Variants in LMOD1 observed in about 807,000 individuals in gnomAD.
LMOD1 encodes the protein leiomodin-1.
In LMOD1, 8 loss-of-function variants were observed where a neutral mutation model predicts 36.5. That is an observed-to-expected ratio of 0.22 (90% CI 0.13 to 0.40). LMOD1 has a LOEUF of 0.40. LMOD1 is among the 10% of genes least tolerant of loss of function. The probability of loss-of-function intolerance (pLI) is 1.00; values close to 1 mark genes in which losing one functional copy is unlikely to be tolerated. For missense variants in LMOD1, 630 were observed against 751.1 expected (o/e 0.84, Z 1.88); for synonymous variants, 284 against 288.7 (o/e 0.98, Z 0.17).
rs1403772485 is a variant in LMOD1, at chr1:201,897,803, G to C, written c.*569C>G. On this transcript the variant is annotated 3_prime_UTR_variant, in exon 3 of 3. Coordinates refer to ENST00000367288, the MANE Select transcript of LMOD1 (RefSeq NM_012134.3). ...CCTGTCTGGAGCCTACTCCCATCAG[G>C]CACTGTGCATCCAGGCCACTGCCCC... 1 of 153,204 alleles carries C rather than the reference G, an allele frequency of 6.5e-6. No individual in the cohort carries two copies. The highest frequency in any genetic ancestry group is 1.5e-5 in the Non-Finnish European group (1 of 68,442). The allele number at this position is 153,204 out of a possible 1,614,324, so 9.5% of individuals were successfully genotyped here.
chr1:201,919,622 G>T (rs1681667268), intron 1 of LMOD1, among the ~76,000 whole-genome samples: 1 of 152,182 alleles, frequency 6.6e-6, no homozygotes, highest in Admixed American at 6.5e-5. Flanking sequence ...TGTAGGTATT[G>T]GGTCCTCTCC....
chr1:201,904,280 G>A (rs920312447), intron 1 of LMOD1, among the ~76,000 whole-genome samples: 70 of 151,894 alleles, frequency 4.6e-4, no homozygotes, highest in African/African-American at 1.7e-3. Context: ...CCGCAATCTC[G>A]GCTCACTGCA....
chr1:201,946,248 C>G lies in LMOD1; in HGVS notation c.93G>C (p.Glu31Asp). The G allele has an allele frequency of 6.2e-7, 1 of 1,614,026 alleles. No homozygotes were observed. Among genetic ancestry groups the G allele is most frequent in the Non-Finnish European group, 8.5e-7 (1 of 1,179,904 alleles). Reference sequence around the variant, plus strand: ...CCACCACGTCCAGCTCCTTCTCCAGCTCCTCCATCTCCTCGGGAGACAGGG... The same window carrying G: ...CCACCACGTCCAGCTCCTTCTCCAGGTCCTCCATCTCCTCGGGAGACAGGG... ...LETLSPEEMEELEKELDVVDP... is the reference protein window; with the variant it reads ...LETLSPEEMEDLEKELDVVDP... The change falls in exon 1 of 3, where the codon GAG becomes GAC. Residue 31 changes from glutamate to aspartate, a missense_variant. By Grantham distance (45) the Glu-to-Asp change is conservative. Around this residue, in one of 3 missense-constraint regions of LMOD1, gnomAD observed 405 missense variants for 400.6 expected, o/e 1.01. Coordinates refer to ENST00000367288, the MANE Select transcript of LMOD1 (RefSeq NM_012134.3).
rs376716844 is a variant in LMOD1, at chr1:201,898,311, G to C, written c.*61C>G. 4.0e-5 allele frequency: 62 copies of C among 1,565,452 alleles called. No homozygotes were observed. In the East Asian group the frequency reaches 1.4e-3, roughly 35 times the overall value. On this transcript the variant is annotated 3_prime_UTR_variant, in exon 3 of 3. Coordinates refer to ENST00000367288, the MANE Select transcript of LMOD1 (RefSeq NM_012134.3). ...GGATGGGGTGGGCAGGGTCTGTGTAGCCCTGGGAGGTGAGGCCTGAGCAGT... is the reference window on the plus strand; with the variant it reads ...GGATGGGGTGGGCAGGGTCTGTGTACCCCTGGGAGGTGAGGCCTGAGCAGT...
chr1:201,924,664 A>AG (rs1558240421), intron 1 of LMOD1, among the ~76,000 whole-genome samples: 29 of 115,380 alleles, frequency 2.5e-4, no homozygotes, highest in African/African-American at 1.1e-3. Flanking sequence ...AAGAAAGAAA[A>AG]AAAAGAAAGA....
Position 201,946,497 on chromosome 1 carries a change from C to T in LMOD1, c.-157G>A. 1 of 741,204 alleles carries T rather than the reference C, an allele frequency of 1.3e-6. No individual in the cohort carries two copies. The highest frequency in any genetic ancestry group is 2.2e-6 in the Non-Finnish European group (1 of 463,096). 45.9% of individuals were successfully genotyped at this position (741,204 alleles called of 1,614,324 possible). ...CCTTGGCCCTTCTGTGCTACAGGTG[C>T]TGAAGTGTTCACTGGACGCAGCAGC... On this transcript the variant is annotated 5_prime_UTR_variant, in exon 1 of 3. Coordinates refer to ENST00000367288, the MANE Select transcript of LMOD1 (RefSeq NM_012134.3).
Position 201,900,446 on chromosome 1 carries a change from C to T in LMOD1, c.567G>A (p.Glu189=). Reference sequence around the variant, plus strand: ...TGTTCCTGTCACTCCCTTTCTTCTCCTCTTCCTTCTTGGTGGCCACTGCCC... The same window carrying T: ...TGTTCCTGTCACTCCCTTTCTTCTCTTCTTCCTTCTTGGTGGCCACTGCCC... ...EERAVATKKE[E]EKKGSDRNTG... Residue 189 remains glutamate (E), a synonymous_variant, in exon 2 of 3, where the codon GAG becomes GAA. Coordinates refer to ENST00000367288, the MANE Select transcript of LMOD1 (RefSeq NM_012134.3). 6.2e-7 allele frequency: 1 copy of T among 1,601,084 alleles called. No individual in the cohort carries two copies. The highest frequency in any genetic ancestry group is 1.1e-5 in the South Asian group (1 of 89,322).
chr1:201,932,590 C>T (rs541159448), intron 1 of LMOD1, among the ~76,000 whole-genome samples: 15 of 151,584 alleles, frequency 9.9e-5, no homozygotes, highest in African/African-American at 3.6e-4. Flanking sequence ...TGTCTCTACT[C>T]AAAATAAAAA....
Position 201,900,163 on chromosome 1 carries a change from C to T in LMOD1, c.850G>A (p.Asp284Asn), listed in dbSNP as rs1558234079. 6.2e-7 allele frequency: 1 copy of T among 1,613,940 alleles called. No individual in the cohort carries two copies. Among genetic ancestry groups the T allele is most frequent in the Admixed American group, 1.7e-5 (1 of 60,020 alleles). Residue 284 changes from aspartate to asparagine, a missense_variant, in exon 2 of 3, where the codon GAT becomes AAT. Transcript: ENST00000367288. ...TCGGGTGTTTTGGTCTTGCTGTCATCCTTGGCTTCCTTTTCATGTAAGGGT... is the reference window on the plus strand; with the variant it reads ...TCGGGTGTTTTGGTCTTGCTGTCATTCTTGGCTTCCTTTTCATGTAAGGGT... ...NEPLHEKEAK[D>N]DSKTKTPEKQ...
At chr1:201,898,970 G>A (rs1352412761) in intron 2 of LMOD1, among the ~76,000 whole-genome samples, 1 of 152,200 alleles carries the variant, frequency 6.6e-6, no homozygotes, top group Non-Finnish European at 1.5e-5. Flanking sequence ...AGGCTTCATT[G>A]CAGAATGAAA....
intron 1 of LMOD1, among the ~76,000 whole-genome samples, chr1:201,907,102 G>A (rs886958036): frequency 4.6e-5 from 7 of 152,210 alleles, no homozygotes; most frequent in African/African-American, 1.4e-4. Context: ...TTCCCTTTAC[G>A]GCTGCCAGGA....
In LMOD1 at chr1:201,899,878, T is replaced by C. The variant is rs1681265061; in HGVS notation, c.1135A>G (p.Ile379Val). 1 of 1,614,016 alleles carries C rather than the reference T, an allele frequency of 6.2e-7. No individual in the cohort carries two copies. The highest frequency in any genetic ancestry group is 8.5e-7 in the Non-Finnish European group (1 of 1,179,886). The part of the protein sequence containing the change: ...TRADDHVAFA[I>V]AIMLKANKTI... ...TTGTTGGCCTTGAGCATGATGGCAA[T>C]GGCAAAGGCCACGTGGTCATCGGCT... The change falls in exon 2 of 3, where the codon ATT (isoleucine) becomes GTT (valine). Residue 379 changes from isoleucine to valine, a missense_variant. By Grantham distance (29) the Ile-to-Val change is conservative (BLOSUM62 3). This residue lies in a region of LMOD1 where 81 missense variants were observed against 180.6 expected (regional missense o/e 0.45). Transcript: ENST00000367288. This position sits in a 1 kb window ranked among gnomAD's most constrained non-coding sequence, Gnocchi z 6.3.
At chr1:201,903,431 C>T (rs1196307081) in intron 1 of LMOD1, among the ~76,000 whole-genome samples, 1 of 152,200 alleles carries the variant, frequency 6.6e-6, no homozygotes, top group African/African-American at 2.4e-5. Flanking sequence ...CTCCCACTCA[C>T]TCAGGCCCCC....
rs1024872123 is a variant in LMOD1 at position 201,898,306 on chromosome 1, G to C, written c.*66C>G. On this transcript the variant is annotated 3_prime_UTR_variant, in exon 3 of 3. Transcript: ENST00000367288. The stretch of plus-strand genomic sequence containing the variant: ...GCCAGGGATGGGGTGGGCAGGGTCT[G>C]TGTAGCCCTGGGAGGTGAGGCCTGA... 9 of 1,547,540 alleles carry C rather than the reference G, an allele frequency of 5.8e-6. No homozygotes were observed. The highest frequency in any genetic ancestry group is 2.3e-5 in the East Asian group (1 of 43,624).
At chr1:201,936,022 G>A (rs200504215) in intron 1 of LMOD1, among the ~76,000 whole-genome samples, 3 of 149,570 alleles carry the variant, frequency 2.0e-5, no homozygotes, top group Admixed American at 6.7e-5. Flanking sequence ...GGCTGAGGCA[G>A]GAGAATCACT....
rs1324864848 is a variant in LMOD1, at chr1:201,896,494, A to G, written c.*1878T>C. Reference sequence around the variant, plus strand: ...TTATTAGCTGTGTGATCATGGATATATTAGTTAACCTCTCTGGGCCAAATT... The same window carrying G: ...TTATTAGCTGTGTGATCATGGATATGTTAGTTAACCTCTCTGGGCCAAATT... On this transcript the variant is annotated 3_prime_UTR_variant, in exon 3 of 3. Coordinates refer to ENST00000367288, the MANE Select transcript of LMOD1 (RefSeq NM_012134.3). 1 of 456,608 alleles carries G rather than the reference A, an allele frequency of 2.2e-6. No individual in the cohort carries two copies. The highest frequency in any genetic ancestry group is 4.4e-6 in the Non-Finnish European group (1 of 226,972). 28.3% of individuals were successfully genotyped at this position (456,608 alleles called of 1,614,324 possible).
chr1:201,915,476 C>T (rs575851672), intron 1 of LMOD1, among the ~76,000 whole-genome samples: 2 of 152,248 alleles, frequency 1.3e-5, no homozygotes, highest in East Asian at 3.9e-4. Context: ...TATCTTCCCC[C>T]ACTGCCTTGC....
intron 1 of LMOD1, among the ~76,000 whole-genome samples, chr1:201,904,630 A>G (rs767465824): frequency 6.6e-6 from 1 of 152,188 alleles, no homozygotes; most frequent in Non-Finnish European, 1.5e-5. Flanking sequence ...CTAGTTGGCA[A>G]GGATCTGCCA....
chr1:201,911,331 T>A (rs1681494108), intron 1 of LMOD1, among the ~76,000 whole-genome samples: 3 of 152,062 alleles, frequency 2.0e-5, no homozygotes, highest in Non-Finnish European at 4.4e-5. Context: ...AAGGCAGAGT[T>A]AGGGAGAAGG....
Sources: allele counts gnomAD v4.1 joint callset (sites outside exome capture counted in the v4.1 genomes callset), GRCh38; gene constraint gnomAD v4.1.1; regional missense constraint gnomAD v4.1.1; non-coding constraint Gnocchi (gnomAD v3.1); transcripts MANE v1.5; gene names NCBI Gene and HGNC (gene_info 2026-07-23, HGNC 2026-07-21).